DPP10: variants seen among roughly 807,000 people sequenced by gnomAD.
The protein encoded by DPP10 is inactive dipeptidyl peptidase 10.
DPP10 carries 33 observed loss-of-function variants against 120.9 expected under a neutral mutation model. The ratio of observed to expected loss-of-function variants is 0.27; its 90% CI spans 0.21 to 0.37. The LOEUF (loss-of-function observed/expected upper bound fraction) is 0.37, where lower values mean the gene tolerates loss of function less well. Among genes scored for constraint, DPP10 ranks in the 10% least tolerant of loss-of-function variants. DPP10 has a pLI of 1.00. For missense variants in DPP10, 816 were observed against 942.8 expected (o/e 0.87, Z 1.76); for synonymous variants, 337 against 326.1 (o/e 1.03, Z -0.36).
At chr2:114,598,670 GGTCAAATAAGAT>G (rs1029928876) in intron 1 of DPP10, among the ~76,000 whole-genome samples, 1 of 151,746 alleles carries the variant, frequency 6.6e-6, no homozygotes, top group African/African-American at 2.4e-5. Flanking sequence ...GAAAACAAGA[GGTCAAATAAGAT>G]GTGAACTGGA....
At position 115,836,170 on chromosome 2, in the gene DPP10, A is replaced by G. The variant is rs748066742; in HGVS notation, c.1964A>G (p.Tyr655Cys). Residue 655 changes from tyrosine to cysteine, a missense_variant, in exon 22 of 26, where the codon TAT becomes TGT. Tyr to Cys is a radical substitution (Grantham distance 194). Coordinates refer to ENST00000410059, the MANE Select transcript of DPP10 (RefSeq NM_020868.6). Reference sequence around the variant, plus strand: ...TTTCCCCCCCAGGGTTATGGTGGCTATATTGCATCAATGATCTTAAAATCA... The same window carrying G: ...TTTCCCCCCCAGGGTTATGGTGGCTGTATTGCATCAATGATCTTAAAATCA... ...LSIFGKGYGGYIASMILKSDE... is the reference protein window; with the variant it reads ...LSIFGKGYGGCIASMILKSDE... 2.5e-6 allele frequency: 4 copies of G among 1,599,422 alleles called. No homozygotes were observed. The highest frequency in any genetic ancestry group is 1.3e-5 in the African/African-American group (1 of 74,280).
chr2:115,567,355 G>A (rs912877013), intron 5 of DPP10, among the ~76,000 whole-genome samples: 1 of 151,968 alleles, frequency 6.6e-6, no homozygotes, highest in Admixed American at 6.6e-5. Context: ...CAGATAACCA[G>A]ACTCCTTAGT....
intron 1 of DPP10, among the ~76,000 whole-genome samples, chr2:114,552,182 A>G (rs1285336468): frequency 1.3e-5 from 2 of 152,336 alleles, no homozygotes; most frequent in South Asian, 2.1e-4. Context: ...AGTCTCTCAG[A>G]TCCTCAGTTT....
chr2:114,922,558 C>T (rs1695274530), intron 1 of DPP10, among the ~76,000 whole-genome samples: 1 of 152,110 alleles, frequency 6.6e-6, no homozygotes. Flanking sequence ...GTGATCCACC[C>T]GCCTCGGTCT....
At chr2:114,490,400 C>G (rs1001413412) in intron 1 of DPP10, among the ~76,000 whole-genome samples, 3 of 151,410 alleles carry the variant, frequency 2.0e-5, no homozygotes, top group Non-Finnish European at 2.9e-5. Context: ...CTCTACTCCA[C>G]TCTAGCACAG....
At chr2:115,070,929 T>A (rs1707315861) in intron 1 of DPP10, among the ~76,000 whole-genome samples, 1 of 152,174 alleles carries the variant, frequency 6.6e-6, no homozygotes, top group Non-Finnish European at 1.5e-5. Context: ...GCGTGAAATT[T>A]CCCAGATAGT....
At chr2:115,238,065 G>A (rs1214344334) in intron 1 of DPP10, among the ~76,000 whole-genome samples, 2 of 152,158 alleles carry the variant, frequency 1.3e-5, no homozygotes, top group East Asian at 1.9e-4. Flanking sequence ...GAAGAAGATG[G>A]CGTCTAGGAA....
At chr2:115,661,669 T>C (rs2088985978) in intron 5 of DPP10, among the ~76,000 whole-genome samples, 1 of 152,214 alleles carries the variant, frequency 6.6e-6, no homozygotes, top group Admixed American at 6.5e-5. Context: ...CTGGGTTTTT[T>C]AGTTCTCCCA....
chr2:114,646,509 G>T (rs938842460), intron 1 of DPP10, among the ~76,000 whole-genome samples: 3 of 152,170 alleles, frequency 2.0e-5, no homozygotes, highest in Admixed American at 2.0e-4. Context: ...CCGTCTCCCA[G>T]TTCCTGCAAT....
At chr2:115,697,443 A>C (rs1344513646) in intron 7 of DPP10, among the ~76,000 whole-genome samples, 1 of 152,038 alleles carries the variant, frequency 6.6e-6, no homozygotes, top group Non-Finnish European at 1.5e-5. Context: ...TACTAACGTA[A>C]AAATAGGCGT....
intron 1 of DPP10, among the ~76,000 whole-genome samples, chr2:114,509,931 T>C (rs1404438750): frequency 1.3e-5 from 2 of 152,224 alleles, no homozygotes; most frequent in Non-Finnish European, 2.9e-5. Flanking sequence ...AGGAAACACA[T>C]GACTTTAAAA....
chr2:115,740,890 A>G (rs952667166), intron 9 of DPP10, among the ~76,000 whole-genome samples: 1 of 152,146 alleles, frequency 6.6e-6, no homozygotes, highest in Non-Finnish European at 1.5e-5. Flanking sequence ...CTAATTAAGT[A>G]AGAGAGGATG....
intron 5 of DPP10, among the ~76,000 whole-genome samples, chr2:115,631,837 G>A (rs1379114434): frequency 6.6e-6 from 1 of 152,088 alleles, no homozygotes; most frequent in East Asian, 1.9e-4. Context: ...CCAATTATGG[G>A]ATCAATTTTA....
chr2:114,946,340 T>C (rs1231622191), intron 1 of DPP10, among the ~76,000 whole-genome samples: 4 of 152,140 alleles, frequency 2.6e-5, no homozygotes, highest in African/African-American at 9.6e-5. Context: ...TTTAAAAAGT[T>C]TTTTTAAAGG....
rs138433897 is a variant in DPP10, at chr2:115,713,782, C to T, written c.577-14034C>T. Among the ~76,000 whole-genome samples, 646 of 152,214 alleles carry T rather than the reference C, an allele frequency of 4.2e-3. 5 individuals carry two copies. Among genetic ancestry groups the T allele is most frequent in the African/African-American group, 0.015 (622 of 41,534 alleles). On this transcript the variant is annotated intron_variant, in intron 7 of 25. Transcript: ENST00000410059. Reference sequence around the variant, plus strand: ...CCTCCTTTTTCCCCTCTTTGGATTACTTTTACATTCTCAGGAATTTCAAGT... The same window carrying T: ...CCTCCTTTTTCCCCTCTTTGGATTATTTTTACATTCTCAGGAATTTCAAGT...
chr2:115,728,252 ACT>A (rs929518695), intron 8 of DPP10, among the ~76,000 whole-genome samples: 1 of 150,370 alleles, frequency 6.7e-6, no homozygotes, highest in African/African-American at 2.4e-5. Context: ...ATTTTTTCTG[ACT>A]CTCTGGGAAA....
At chr2:115,085,252 T>G (rs2104519370) in intron 1 of DPP10, among the ~76,000 whole-genome samples, 1 of 152,328 alleles carries the variant, frequency 6.6e-6, no homozygotes, top group South Asian at 2.1e-4. Flanking sequence ...TTACAGATCC[T>G]TTCCCTTCCC....
At chr2:115,362,741 T>A (rs1016013796) in intron 3 of DPP10, among the ~76,000 whole-genome samples, 1 of 152,198 alleles carries the variant, frequency 6.6e-6, no homozygotes, top group Non-Finnish European at 1.5e-5. Flanking sequence ...CTGTTTTAAT[T>A]TTTCCTTGTT....
chr2:114,702,180 C>T (rs1700422534), intron 1 of DPP10, among the ~76,000 whole-genome samples: 1 of 152,206 alleles, frequency 6.6e-6, no homozygotes, highest in Non-Finnish European at 1.5e-5. Context: ...CAGAATTTGA[C>T]CTAATTTGTT....
Sources: allele counts gnomAD v4.1 joint callset (sites outside exome capture counted in the v4.1 genomes callset), GRCh38; gene constraint gnomAD v4.1.1; transcripts MANE v1.5; gene names NCBI Gene and HGNC (gene_info 2026-07-23, HGNC 2026-07-21).